The following DACH2 variants were observed in gnomAD, a reference collection of about 807,000 sequenced individuals.
DACH2 encodes dachshund homolog 2.
DACH2 carries 17 observed loss-of-function variants against 35.8 expected under a neutral mutation model. The observed-to-expected ratio is 0.48, with a 90% CI of 0.33 to 0.71. The LOEUF (loss-of-function observed/expected upper bound fraction) is 0.71, where lower values mean the gene tolerates loss of function less well. DACH2 is among the 30% of genes least tolerant of loss of function. DACH2 has a pLI of 0.02. For synonymous variants in DACH2, 195 were observed against 177.3 expected (o/e 1.10, Z -0.79); for missense variants, 469 against 472.7 (o/e 0.99, Z 0.07).
intron 2 of DACH2, among the ~76,000 whole-genome samples, chrX:86,458,071 C>T (rs906165478): frequency 1.8e-5 from 2 of 111,765 alleles, no homozygotes; most frequent in African/African-American, 6.5e-5. Flanking sequence ...TTTGGGAAAT[C>T]TGATTGAGAA....
At chrX:86,171,982 G>A (rs947357064) in intron 1 of DACH2, among the ~76,000 whole-genome samples, 10 of 111,767 alleles carry the variant, frequency 8.9e-5, no homozygotes, top group African/African-American at 2.6e-4. Context: ...ATTGTATTCA[G>A]TACTAACTAA....
chrX:86,406,846 A>G (rs2036535290), intron 2 of DACH2, among the ~76,000 whole-genome samples: 2 of 112,108 alleles, frequency 1.8e-5, no homozygotes. Context: ...TCTAAAGAAT[A>G]TTCTTAGATC....
intron 3 of DACH2, among the ~76,000 whole-genome samples, chrX:86,547,458 A>C (rs1191817011): frequency 1.0e-5 from 1 of 98,644 alleles, no homozygotes; most frequent in Non-Finnish European, 2.1e-5. Flanking sequence ...TGGATTTGTT[A>C]TCTTGCATTA....
rs556142351 is a variant in DACH2 at position 86,261,058 on chromosome X, T to A, written c.488+111950T>A. On this transcript the variant is annotated intron_variant, in intron 1 of 11. Coordinates refer to ENST00000373125, the MANE Select transcript of DACH2 (RefSeq NM_053281.3). ...AAGTAGACAGAGTTGATTACTTCAA[T>A]TGCCTGCATTGCCTTTTGTCAGTGA... 2.7e-5 allele frequency among the ~76,000 whole-genome samples: 3 copies of A among 112,312 alleles called. No homozygotes were observed. The South Asian group carries it at 1.1e-3, about 41-fold the overall frequency.
At chrX:86,814,103 A>C (rs781448701) in intron 9 of DACH2, among the ~76,000 whole-genome samples, 1 of 111,436 alleles carries the variant, frequency 9.0e-6, no homozygotes, top group Non-Finnish European at 1.9e-5. Context: ...CTGTATATGC[A>C]CATACAGAGA....
intron 2 of DACH2, among the ~76,000 whole-genome samples, chrX:86,438,418 G>T (rs764287321): frequency 1.5e-4 from 16 of 110,085 alleles, no homozygotes. Context: ...TAGAGACGGG[G>T]TTTTGCCATG....
At chrX:86,315,832 C>CAGAGAGAG (rs1195573552) in intron 1 of DACH2, among the ~76,000 whole-genome samples, 1 of 75,469 alleles carries the variant, frequency 1.3e-5, no homozygotes, top group African/African-American at 6.0e-5. Flanking sequence ...CACACACACA[C>CAGAGAGAG]ACACACACAG....
chrX:86,591,757 C>T (rs1016283437), intron 3 of DACH2, among the ~76,000 whole-genome samples: 1 of 110,102 alleles, frequency 9.1e-6, no homozygotes, highest in African/African-American at 3.3e-5. Context: ...AGGCTGGTGT[C>T]GAACTCCTGA....
At chrX:86,574,367 TG>T (rs1351248574) in intron 3 of DACH2, among the ~76,000 whole-genome samples, 1 of 111,463 alleles carries the variant, frequency 9.0e-6, no homozygotes, top group Non-Finnish European at 1.9e-5. Context: ...TAATGCTTAC[TG>T]TGGTGACATT....
At chrX:86,405,252 T>C (rs184098442) in intron 2 of DACH2, among the ~76,000 whole-genome samples, 13 of 112,135 alleles carry the variant, frequency 1.2e-4, no homozygotes, top group African/African-American at 2.6e-4. Context: ...AATAGGTTTT[T>C]CTTGTCTAAC....
chrX:86,332,046 C>T (rs1356070769), intron 1 of DACH2, among the ~76,000 whole-genome samples: 1 of 111,591 alleles, frequency 9.0e-6, no homozygotes, highest in Non-Finnish European at 1.9e-5. Flanking sequence ...TAAGCAAAAG[C>T]TCAGATTTGC....
At chrX:86,204,303 A>G (rs1453520821) in intron 1 of DACH2, among the ~76,000 whole-genome samples, 1 of 112,219 alleles carries the variant, frequency 8.9e-6, no homozygotes, top group Non-Finnish European at 1.9e-5. Context: ...GTGGAAAGAC[A>G]TGTTTTAAAT....
rs185822008 is a variant in DACH2, at chrX:86,816,423, T to C, written c.1750+324T>C. Among the ~76,000 whole-genome samples, 196 of 112,053 alleles carry C rather than the reference T, an allele frequency of 1.7e-3. 1 individual carries two copies. Among genetic ancestry groups the C allele is most frequent in the African/African-American group, 5.8e-3 (180 of 30,950 alleles). On this transcript the variant is annotated intron_variant, in intron 11 of 11. Coordinates refer to ENST00000373125, the MANE Select transcript of DACH2 (RefSeq NM_053281.3). Reference sequence around the variant, plus strand: ...TATTCTAAAAATGCATAAATGTGAATGTAATTTATCTTTTAAAAGTGTACA... The same window carrying C: ...TATTCTAAAAATGCATAAATGTGAACGTAATTTATCTTTTAAAAGTGTACA...
intron 3 of DACH2, among the ~76,000 whole-genome samples, chrX:86,601,985 G>A (rs2039795408): frequency 8.9e-6 from 1 of 112,004 alleles, no homozygotes. Context: ...TAAACATAAA[G>A]AATATTTCCA....
chrX:86,370,085 C>T (rs902735087), intron 1 of DACH2, among the ~76,000 whole-genome samples: 3 of 111,242 alleles, frequency 2.7e-5, no homozygotes, highest in African/African-American at 9.8e-5. Flanking sequence ...AATGAAACAG[C>T]AAATAAAAAG....
intron 5 of DACH2, among the ~76,000 whole-genome samples, chrX:86,697,334 G>A (rs1245604331): frequency 9.0e-6 from 1 of 111,174 alleles, no homozygotes; most frequent in East Asian, 2.8e-4. Context: ...CAAGACTAGA[G>A]GAAAATGTAG....
At chrX:86,566,193 A>G (rs982472806) in intron 3 of DACH2, among the ~76,000 whole-genome samples, 1 of 112,032 alleles carries the variant, frequency 8.9e-6, no homozygotes, top group Non-Finnish European at 1.9e-5. Context: ...TTCTCAAACT[A>G]CAATGAAGTC....
intron 2 of DACH2, among the ~76,000 whole-genome samples, chrX:86,456,711 C>T (rs1209927693): frequency 9.2e-6 from 1 of 108,797 alleles, no homozygotes; most frequent in Non-Finnish European, 1.9e-5. Context: ...CATTTTCTTT[C>T]TTTGTGATAA....
chrX:86,737,597 T>C (rs1454256400), intron 6 of DACH2, among the ~76,000 whole-genome samples: 2 of 111,455 alleles, frequency 1.8e-5, no homozygotes, highest in African/African-American at 6.5e-5. Flanking sequence ...ACAAATTTAG[T>C]GGTTTAACAC....
Sources: allele counts gnomAD v4.1 joint callset (sites outside exome capture counted in the v4.1 genomes callset), GRCh38; gene constraint gnomAD v4.1.1; transcripts MANE v1.5; gene names NCBI Gene and HGNC (gene_info 2026-07-23, HGNC 2026-07-21).